Variants in ZC3H14 observed in about 807,000 individuals in gnomAD.
ZC3H14 encodes the protein zinc finger CCCH domain-containing protein 14.
ZC3H14 carries 31 observed loss-of-function variants against 92.4 expected under a neutral mutation model. That is an observed-to-expected ratio of 0.34 (90% CI 0.25 to 0.45). The LOEUF (loss-of-function observed/expected upper bound fraction) is 0.45, where lower values mean the gene tolerates loss of function less well. Among genes scored for constraint, ZC3H14 ranks in the 20% least tolerant of loss-of-function variants. The pLI is 1.00. For synonymous variants in ZC3H14, 321 were observed against 300.9 expected, an observed-to-expected ratio of 1.07 and a Z score of -0.69; for missense variants, 781 against 897.3, an observed-to-expected ratio of 0.87 and a Z score of 1.66.
At chr14:88,588,683 T>C (rs2082739447) in intron 9 of ZC3H14, among the ~76,000 whole-genome samples, 1 of 152,198 alleles carries the variant, frequency 6.6e-6, no homozygotes, top group South Asian at 2.1e-4. Context: ...GAAATACTCT[T>C]GCATTATTTG....
At chr14:88,570,689 G>A (rs1209241107) in intron 3 of ZC3H14, among the ~76,000 whole-genome samples, 2 of 152,144 alleles carry the variant, frequency 1.3e-5, no homozygotes, top group African/African-American at 2.4e-5. Flanking sequence ...TATTTTTGCA[G>A]AGGCTAGATG....
intron 9 of ZC3H14, among the ~76,000 whole-genome samples, chr14:88,595,788 C>T (rs113081251): frequency 4.6e-5 from 7 of 152,300 alleles, no homozygotes; most frequent in African/African-American, 1.7e-4. Flanking sequence ...TAAGCAAAGC[C>T]TGTCCTTGTG....
chr14:88,584,237 C>G (rs529844675), intron 9 of ZC3H14, among the ~76,000 whole-genome samples: 2 of 152,142 alleles, frequency 1.3e-5, no homozygotes, highest in South Asian at 4.2e-4. Context: ...TGTGGGTCCA[C>G]TCATACACTT....
intron 11 of ZC3H14, 51 bp from the exon 12 acceptor site, chr14:88,602,777 C>T (rs747811340): frequency 4.4e-6 from 7 of 1,581,350 alleles, no homozygotes; most frequent in East Asian, 2.3e-5. Context: ...GGGGGCTCAG[C>T]GTTTTGTGTT....
chr14:88,600,220 G>A (rs1042888521), intron 10 of ZC3H14, among the ~76,000 whole-genome samples: 4 of 152,186 alleles, frequency 2.6e-5, no homozygotes, highest in African/African-American at 9.7e-5. Flanking sequence ...CCCTTGCTGG[G>A]GAAGGCGGGC....
intron 13 of ZC3H14, 106 bp downstream of exon 13, chr14:88,607,469 C>T (rs369687071): frequency 1.6e-6 from 2 of 1,244,570 alleles, no homozygotes; most frequent in East Asian, 2.9e-5. Flanking sequence ...CCCATCTCAC[C>T]CAGCAAGTAC....
chr14:88,572,632 G>A lies in ZC3H14; in HGVS notation c.486G>A (p.Leu162=). The part of the protein sequence containing the change: ...ATRLMSTVKP[L]REPAPSEDVI... ...GACTAATGTCAACAGTGAAACCTTT[G>A]AGGGAGCCAGCACCCTCTGAAGATG... The change falls in exon 6 of 17, where the codon TTG becomes TTA. Residue 162 remains leucine, a synonymous_variant. Transcript: ENST00000251038. The A allele has an allele frequency of 6.2e-7, 1 of 1,614,158 alleles. No individual in the cohort carries two copies. The highest frequency in any genetic ancestry group is 1.1e-5 in the South Asian group (1 of 91,086).
Position 88,615,741 on chromosome 14 carries a change from A to T in ZC3H14, c.*3990A>T, listed in dbSNP as rs1353297869. On this transcript the variant is annotated 3_prime_UTR_variant, in exon 17 of 17. Coordinates refer to ENST00000251038, the MANE Select transcript of ZC3H14 (RefSeq NM_024824.5). ...AGTCTTGGGTTAGCACCACTTGACCATGCAGGGTTGGGTTTTGGTTTTTCT... is the reference window on the plus strand; with the variant it reads ...AGTCTTGGGTTAGCACCACTTGACCTTGCAGGGTTGGGTTTTGGTTTTTCT... The T allele has an allele frequency of 1.4e-6, 2 of 1,416,774 alleles. No individual in the cohort carries two copies. Among genetic ancestry groups the T allele is most frequent in the Non-Finnish European group, 1.9e-6 (2 of 1,025,888 alleles). 87.8% of individuals were successfully genotyped at this position (1,416,774 alleles called of 1,614,324 possible).
intron 9 of ZC3H14, 87 bp downstream of exon 9, chr14:88,578,227 C>T: frequency 6.7e-7 from 1 of 1,499,554 alleles, no homozygotes; most frequent in Non-Finnish European, 9.2e-7. Context: ...TGAAATATTA[C>T]ACTATGAAAA....
At chr14:88,575,967 T>C in intron 8 of ZC3H14, 27 bp downstream of exon 8, 1 of 1,539,872 alleles carries the variant, frequency 6.5e-7, no homozygotes, top group South Asian at 1.1e-5. Context: ...ATGTTTACAC[T>C]TGGTAAGACA....
intron 13 of ZC3H14, among the ~76,000 whole-genome samples, chr14:88,607,756 C>T (rs2085737062): frequency 7.2e-6 from 1 of 138,478 alleles, no homozygotes; most frequent in African/African-American, 2.8e-5. Flanking sequence ...AGTACCATCC[C>T]CCATCTTACC....
In ZC3H14 at chr14:88,576,747, A is replaced by AC. The variant is rs201444148; in HGVS notation, c.1123+813dup. Among the ~76,000 whole-genome samples, 112 of 151,262 alleles carry AC rather than the reference A, an allele frequency of 7.4e-4. 1 individual carries two copies. In the East Asian group the frequency reaches 0.016, roughly 21 times the overall value. On this transcript the variant is annotated intron_variant, in intron 8 of 16. Transcript: ENST00000251038. Reference sequence around the variant, plus strand: ...ATCCACTCTCTCGCTTTTTTTTGTGACCCCCCTTCCTAAAATGAGGTAAAC... The same window carrying AC: ...ATCCACTCTCTCGCTTTTTTTTGTGACCCCCCCTTCCTAAAATGAGGTAAAC...
Position 88,623,208 on chromosome 14 carries a change from G to A in ZC3H14, c.*11457G>A, listed in dbSNP as rs1675354711. 1 of 151,810 alleles carries A rather than the reference G, an allele frequency of 6.6e-6. No individual in the cohort carries two copies. The highest frequency in any genetic ancestry group is 1.5e-5 in the Non-Finnish European group (1 of 68,066). 9.4% of individuals were successfully genotyped at this position (151,810 alleles called of 1,614,324 possible). The stretch of plus-strand genomic sequence containing the variant: ...TTTCTGTATTTTTAGTAGAGATGGG[G>A]TTTCACCATGTTGGCCAGGCTGGTC... On this transcript the variant is annotated 3_prime_UTR_variant, in exon 17 of 17. Coordinates refer to ENST00000251038, the MANE Select transcript of ZC3H14 (RefSeq NM_024824.5).
chr14:88,599,128 C>G (rs557011147), intron 10 of ZC3H14, among the ~76,000 whole-genome samples: 1 of 152,294 alleles, frequency 6.6e-6, no homozygotes, highest in African/African-American at 2.4e-5. Flanking sequence ...TGAAGAAGAA[C>G]TAACTGCTTC....
intron 16 of ZC3H14, among the ~76,000 whole-genome samples, 148 bp from the exon 17 acceptor site, chr14:88,611,592 TAATTG>T (rs776258555): frequency 1.6e-4 from 25 of 152,354 alleles, no homozygotes; most frequent in Non-Finnish European, 2.9e-4. Context: ...CTACCTGACA[TAATTG>T]AATTATTTTT....
chr14:88,611,628 G>A, intron 16 of ZC3H14, 117 bp from the exon 17 acceptor site: 3 of 1,193,608 alleles, frequency 2.5e-6, no homozygotes, highest in South Asian at 1.4e-5. Flanking sequence ...CATTTATATT[G>A]TAATCTTATG....
chr14:88,568,272 A>G, intron 3 of ZC3H14, 119 bp downstream of exon 3: 2 of 780,218 alleles, frequency 2.6e-6, no homozygotes, highest in Non-Finnish European at 4.5e-6. Flanking sequence ...GCAGTTTGTG[A>G]GTGATGAGAG....
At position 88,602,850 on chromosome 14, in the gene ZC3H14, C is replaced by A. The variant is rs775631271; in HGVS notation, c.1537C>A (p.Pro513Thr). The change falls in exon 12 of 17, where the codon CCT becomes ACT. Residue 513 changes from proline (P) to threonine (T), a missense_variant. Transcript: ENST00000251038. ...CAGAGATCTTGTACAACCAGATAAA[C>A]CTGCAAGTCCCAAGTTTATAGTGAC... ...QTRDLVQPDK[P>T]ASPKFIVTLD... 9.3e-6 allele frequency: 15 copies of A among 1,614,012 alleles called. No homozygotes were observed. Among genetic ancestry groups the A allele is most frequent in the Non-Finnish European group, 1.3e-5 (15 of 1,180,026 alleles).
chr14:88,616,752 ATAACT>A lies in ZC3H14; in HGVS notation c.*5006_*5010del, dbSNP rs752450801. 1.6e-5 allele frequency: 26 copies of A among 1,613,644 alleles called. No individual in the cohort carries two copies. Among genetic ancestry groups the A allele is most frequent in the Non-Finnish European group, 1.9e-5 (22 of 1,179,778 alleles). On this transcript the variant is annotated 3_prime_UTR_variant, in exon 17 of 17. Coordinates refer to ENST00000251038, the MANE Select transcript of ZC3H14 (RefSeq NM_024824.5). ...AATTTTTCTGGACATGGGAAGTCAA[ATAACT>A]TAACCATGCCAAAGTCATCTCCTGT...
Sources: allele counts gnomAD v4.1 joint callset (sites outside exome capture counted in the v4.1 genomes callset), GRCh38; gene constraint gnomAD v4.1.1; transcripts MANE v1.5; gene names NCBI Gene and HGNC (gene_info 2026-07-23, HGNC 2026-07-21).